The following RBFOX1 variants were observed in gnomAD, a reference collection of about 807,000 sequenced individuals.
RBFOX1 encodes the protein RNA binding fox-1 homolog 1.
Under a neutral mutation model 57.7 loss-of-function variants are expected in RBFOX1, and 8 were observed. That is an observed-to-expected ratio of 0.14 (90% confidence interval 0.08 to 0.25). RBFOX1 has a LOEUF of 0.25. Among genes scored for constraint, RBFOX1 ranks in the 10% least tolerant of loss-of-function variants. The pLI is 1.00. For missense variants in RBFOX1, 611 were observed against 548.5 expected, an observed-to-expected ratio of 1.11 and a Z score of -1.14; for synonymous variants, 326 against 222.4, an observed-to-expected ratio of 1.47 and a Z score of -4.15.
Position 5,349,060 on chromosome 16 carries a change from C to T in RBFOX1, c.219+108955C>T, listed in dbSNP as rs111842074. On this transcript the variant is annotated intron_variant, in intron 1 of 2. Transcript: ENST00000585867. ...AAAATGTGCAGGGGCTCCAATTTCT[C>T]CACATGCTGGTCAGCCGTTGTTATC... Among the ~76,000 whole-genome samples the T allele has an allele frequency of 6.4e-4, 98 of 152,316 alleles. 1 individual carries two copies. The highest frequency in any genetic ancestry group is 2.2e-3 in the African/African-American group (93 of 41,564).
Position 5,969,414 on chromosome 16 carries a change from C to T in RBFOX1, c.351+102079C>T, listed in dbSNP as rs147671242. Among the ~76,000 whole-genome samples, 25 of 144,788 alleles carry T rather than the reference C, an allele frequency of 1.7e-4. No homozygotes were observed. In the East Asian group the frequency reaches 4.5e-3, roughly 26 times the overall value. The allele number at this position is 144,788 out of a possible 152,430, so 95.0% of individuals were successfully genotyped here. A position where few individuals can be genotyped will look rare whatever the true frequency, so the allele number is the denominator to read the frequency against. ...GCAACCTCTGCCTTCTGGGTTCAAGCGATTCTCCTGCCTCAGCCTCCCAAG... is the reference window on the plus strand; with the variant it reads ...GCAACCTCTGCCTTCTGGGTTCAAGTGATTCTCCTGCCTCAGCCTCCCAAG... On this transcript the variant is annotated intron_variant, in intron 4 of 19. Coordinates refer to the RBFOX1 transcript ENST00000641259.
intron 4 of RBFOX1, among the ~76,000 whole-genome samples, chr16:6,004,780 C>T (rs1345846030): frequency 6.6e-6 from 1 of 152,118 alleles, no homozygotes; most frequent in Non-Finnish European, 1.5e-5. Flanking sequence ...CCTCGGAGTA[C>T]TTTTTATTGA....
chr16:7,610,331 G>C (rs1423139299), intron 10 of RBFOX1, among the ~76,000 whole-genome samples: 1 of 151,502 alleles, frequency 6.6e-6, no homozygotes, highest in African/African-American at 2.4e-5. Flanking sequence ...GTGTTGGCTA[G>C]GCTGGTCTTG....
chr16:7,003,647 G>T (rs1033790438), intron 3 of RBFOX1, among the ~76,000 whole-genome samples: 2 of 152,012 alleles, frequency 1.3e-5, no homozygotes, highest in Non-Finnish European at 2.9e-5. Flanking sequence ...TAAACTCAAA[G>T]GTTGATACAT....
intron 2 of RBFOX1, among the ~76,000 whole-genome samples, chr16:5,590,052 C>CAT (rs2046955531): frequency 7.0e-6 from 1 of 142,018 alleles, no homozygotes; most frequent in Admixed American, 6.8e-5. Flanking sequence ...GTGTTACACA[C>CAT]ACACACACAC....
At chr16:6,400,775 G>A (rs1461761304) in intron 2 of RBFOX1, among the ~76,000 whole-genome samples, 1 of 152,032 alleles carries the variant, frequency 6.6e-6, no homozygotes, top group South Asian at 2.1e-4. Flanking sequence ...GGCGCTTGTA[G>A]TCCCAGCTAC....
chr16:7,048,219 T>C (rs1163087621), intron 3 of RBFOX1, among the ~76,000 whole-genome samples: 2 of 151,726 alleles, frequency 1.3e-5, no homozygotes, highest in Non-Finnish European at 2.9e-5. Context: ...TTTAGTTATT[T>C]TTATGGTTGT....
chr16:7,710,765 C>A lies in RBFOX1; in HGVS notation c.*20C>A. On this transcript the variant is annotated 3_prime_UTR_variant, in exon 16 of 16. Transcript: ENST00000550418. ...TACTAAATGACAAAACCATAAAAACCTTCCAATGTGGGGAGAAAGGAAGCT... is the reference window on the plus strand; with the variant it reads ...TACTAAATGACAAAACCATAAAAACATTCCAATGTGGGGAGAAAGGAAGCT... The A allele has an allele frequency of 6.5e-7, 1 of 1,537,044 alleles. No homozygotes were observed. The highest frequency in any genetic ancestry group is 8.8e-7 in the Non-Finnish European group (1 of 1,142,668).
chr16:5,615,444 G>C (rs2047986121), intron 3 of RBFOX1, among the ~76,000 whole-genome samples: 1 of 152,170 alleles, frequency 6.6e-6, no homozygotes, highest in African/African-American at 2.4e-5. Flanking sequence ...TACTTGCTCT[G>C]AAGACAGCTA....
chr16:6,020,065 G>C, intron 1 of RBFOX1, 73 bp downstream of exon 1: 1 of 1,354,048 alleles, frequency 7.4e-7, no homozygotes, highest in East Asian at 2.9e-5. Context: ...GTCTCATGGA[G>C]GGAAGCGCTA....
intron 4 of RBFOX1, among the ~76,000 whole-genome samples, chr16:5,877,513 C>G (rs978806997): frequency 6.6e-6 from 1 of 152,254 alleles, no homozygotes; most frequent in African/African-American, 2.4e-5. Context: ...CCCACATACA[C>G]TTGATGCAGG....
intron 1 of RBFOX1, among the ~76,000 whole-genome samples, chr16:6,226,995 G>C (rs905862307): frequency 1.3e-5 from 2 of 151,406 alleles, no homozygotes; most frequent in Non-Finnish European, 2.9e-5. Context: ...GTGGTAGCAG[G>C]CACCTGTAAT....
chr16:5,245,084 C>T (rs758392271), intron 1 of RBFOX1, among the ~76,000 whole-genome samples: 1 of 152,174 alleles, frequency 6.6e-6, no homozygotes, highest in African/African-American at 2.4e-5. Flanking sequence ...CTTGTGGCCT[C>T]TGGAATGTGA....
At chr16:6,251,251 C>G (rs779582807) in intron 1 of RBFOX1, among the ~76,000 whole-genome samples, 9 of 152,064 alleles carry the variant, frequency 5.9e-5, no homozygotes, top group Admixed American at 2.0e-4. Flanking sequence ...CAAAACAAAC[C>G]CCAGAGAGTG....
At chr16:6,893,191 A>T (rs1190544747) in intron 3 of RBFOX1, among the ~76,000 whole-genome samples, 1 of 152,084 alleles carries the variant, frequency 6.6e-6, no homozygotes, top group African/African-American at 2.4e-5. Context: ...GAGTGAGTTT[A>T]CAGGAAATGG....
chr16:5,330,469 C>A (rs2064720178), intron 1 of RBFOX1, among the ~76,000 whole-genome samples: 2 of 152,040 alleles, frequency 1.3e-5, no homozygotes, highest in Admixed American at 6.6e-5. Flanking sequence ...ATGGCATGAC[C>A]TCGGCTCACT....
chr16:6,505,111 C>G (rs1406522108), intron 2 of RBFOX1, among the ~76,000 whole-genome samples: 1 of 152,072 alleles, frequency 6.6e-6, no homozygotes, highest in Non-Finnish European at 1.5e-5. Context: ...ATAAAGTCTA[C>G]TCAAATTATT....
chr16:5,252,513 T>C (rs1464988563), intron 1 of RBFOX1, among the ~76,000 whole-genome samples: 5 of 152,188 alleles, frequency 3.3e-5, no homozygotes, highest in Non-Finnish European at 7.4e-5. Context: ...TCCAGGTGTC[T>C]GTAGGTGCCA....
Position 5,510,894 on chromosome 16 carries a change from G to C in RBFOX1, c.258+43640G>C, listed in dbSNP as rs145501946. On this transcript the variant is annotated intron_variant, in intron 2 of 2. Transcript: ENST00000585867. ...CAGAAGTGTCTCTAGCTATGGCCAC[G>C]TATCCCCAGGTTGAGAACTACTGCT... Among the ~76,000 whole-genome samples, 350 of 152,214 alleles carry C rather than the reference G, an allele frequency of 2.3e-3. 2 individuals carry two copies. Among genetic ancestry groups the C allele is most frequent in the African/African-American group, 7.8e-3 (323 of 41,518 alleles).
Sources: gnomAD v4.1 joint callset for allele counts (sites outside exome capture counted in the v4.1 genomes callset) on GRCh38, gnomAD v4.1.1 for gene constraint, MANE v1.5 for transcripts, NCBI Gene and HGNC (gene_info 2026-07-23, HGNC 2026-07-21) for gene names.